Variants in ARHGAP24 observed in about 807,000 individuals in gnomAD.
The protein encoded by ARHGAP24 is rho GTPase-activating protein 24.
Under a neutral mutation model 76.4 loss-of-function variants are expected in ARHGAP24, and 50 were observed. The ratio of observed to expected loss-of-function variants is 0.65; its 90% CI spans 0.52 to 0.83. ARHGAP24 has a LOEUF of 0.83. Among genes scored for constraint, ARHGAP24 ranks in the 40% least tolerant of loss-of-function variants. The pLI, the probability that ARHGAP24 is intolerant of heterozygous loss-of-function variation, is 0.00. For synonymous variants in ARHGAP24, 345 were observed against 323.3 expected, an observed-to-expected ratio of 1.07 and a Z score of -0.72; for missense variants, 930 against 914.2, an observed-to-expected ratio of 1.02 and a Z score of -0.22.
chr4:85,829,794 ATG>A (rs1729897304), intron 3 of ARHGAP24, among the ~76,000 whole-genome samples: 1 of 152,210 alleles, frequency 6.6e-6, no homozygotes, highest in Non-Finnish European at 1.5e-5. Context: ...GTATGTTCAG[ATG>A]TGGCATCCAT....
chr4:85,863,886 A>G (rs1732040020), intron 3 of ARHGAP24, among the ~76,000 whole-genome samples: 1 of 152,112 alleles, frequency 6.6e-6, no homozygotes, highest in East Asian at 1.9e-4. Context: ...GGTGTCTCCA[A>G]GCGGAAAAAG....
intron 1 of ARHGAP24, among the ~76,000 whole-genome samples, chr4:85,544,319 CTA>C (rs1268291425): frequency 6.6e-6 from 1 of 152,066 alleles, no homozygotes; most frequent in Non-Finnish European, 1.5e-5. Context: ...ATTTTTGTAA[CTA>C]TGTTAAGCTT....
rs945934453 is a variant in ARHGAP24, at chr4:85,504,224, C to T, written c.-21+28665C>T. Among the ~76,000 whole-genome samples, 2 of 152,112 alleles carry T rather than the reference C, an allele frequency of 1.3e-5. 1 individual carries two copies. Among genetic ancestry groups the T allele is most frequent in the Admixed American group, 1.3e-4 (2 of 15,272 alleles). Reference sequence around the variant, plus strand: ...TTAGGGTGGAGAGTTCTGTAGATGTCTATTAGGTCTGCTTGGTGCAGAGCT... The same window carrying T: ...TTAGGGTGGAGAGTTCTGTAGATGTTTATTAGGTCTGCTTGGTGCAGAGCT... On this transcript the variant is annotated intron_variant, in intron 1 of 9. Coordinates refer to ENST00000395184, the MANE Select transcript of ARHGAP24 (RefSeq NM_001025616.3).
intron 1 of ARHGAP24, among the ~76,000 whole-genome samples, chr4:85,551,342 A>C (rs1192297616): frequency 1.3e-5 from 2 of 152,112 alleles, no homozygotes; most frequent in African/African-American, 2.4e-5. Flanking sequence ...ATTGATTTGT[A>C]TATATTGAAC....
At chr4:85,981,434 T>A (rs1437201022) in intron 8 of ARHGAP24, among the ~76,000 whole-genome samples, 1 of 152,156 alleles carries the variant, frequency 6.6e-6, no homozygotes, top group East Asian at 1.9e-4. Context: ...ATAGTATCTT[T>A]GATACTATAG....
At chr4:85,884,571 C>T (rs1560694947) in intron 3 of ARHGAP24, among the ~76,000 whole-genome samples, 1 of 152,164 alleles carries the variant, frequency 6.6e-6, no homozygotes, top group South Asian at 2.1e-4. Context: ...GACAACAAGC[C>T]TCCATTCTGG....
intron 2 of ARHGAP24, among the ~76,000 whole-genome samples, chr4:85,652,183 A>C (rs775756889): frequency 1.1e-4 from 17 of 152,182 alleles, no homozygotes; most frequent in African/African-American, 3.9e-4. Context: ...CACATTTAAT[A>C]ATAAGATAAT....
intron 3 of ARHGAP24, among the ~76,000 whole-genome samples, chr4:85,850,754 T>A (rs191085305): frequency 6.6e-6 from 1 of 152,260 alleles, no homozygotes; most frequent in East Asian, 1.9e-4. Context: ...TATAGTTGCG[T>A]GGTTTTTAGT....
chr4:85,906,369 A>G (rs1413867325), intron 3 of ARHGAP24, among the ~76,000 whole-genome samples: 1 of 152,200 alleles, frequency 6.6e-6, no homozygotes, highest in Non-Finnish European at 1.5e-5. Flanking sequence ...TAGGGTTGAT[A>G]ATATTCAAAT....
intron 1 of ARHGAP24, among the ~76,000 whole-genome samples, chr4:85,529,911 A>AGT (rs59600252): frequency 1.3e-3 from 199 of 151,582 alleles, no homozygotes; most frequent in African/African-American, 4.6e-3. Context: ...TTTAAAAAAA[A>AGT]CTCTTTTCAT....
intron 2 of ARHGAP24, among the ~76,000 whole-genome samples, chr4:85,637,008 T>G (rs2109967249): frequency 6.6e-6 from 1 of 152,228 alleles, no homozygotes; most frequent in South Asian, 2.1e-4. Context: ...CATTCATGGA[T>G]ATATAATCAT....
chr4:85,938,059 ACCCTTACAAAC>A (rs1226870674), intron 4 of ARHGAP24, among the ~76,000 whole-genome samples: 1 of 152,064 alleles, frequency 6.6e-6, no homozygotes, highest in African/African-American at 2.4e-5. Context: ...GTAAAGGGGG[ACCCTTACAAAC>A]CCTGAAGGCT....
At position 85,939,130 on chromosome 4, in the gene ARHGAP24, G is replaced by A. The variant is rs1736814625; in HGVS notation, c.392-2936G>A. Among the ~76,000 whole-genome samples the A allele has an allele frequency of 2.0e-5, 3 of 152,158 alleles. No individual in the cohort carries two copies. In the South Asian group the frequency reaches 6.2e-4, roughly 32 times the overall value. On this transcript the variant is annotated intron_variant, in intron 4 of 9. Transcript: ENST00000395184. ...CCTCCTTAAAATGCAAGGAATGGTGGTGCCTACCTCACAGGATGTTATGAG... is the reference window on the plus strand; with the variant it reads ...CCTCCTTAAAATGCAAGGAATGGTGATGCCTACCTCACAGGATGTTATGAG...
chr4:85,985,467 A>G (rs1739929415), intron 8 of ARHGAP24, among the ~76,000 whole-genome samples: 1 of 152,150 alleles, frequency 6.6e-6, no homozygotes, highest in South Asian at 2.1e-4. Flanking sequence ...AACAACACAC[A>G]CTGGGGCCTG....
intron 2 of ARHGAP24, among the ~76,000 whole-genome samples, chr4:85,659,094 G>A (rs1444657339): frequency 6.6e-6 from 1 of 151,800 alleles, no homozygotes; most frequent in Non-Finnish European, 1.5e-5. Context: ...GTCACAGTTG[G>A]GGAAGATACC....
chr4:85,832,167 G>A (rs908156035), intron 3 of ARHGAP24, among the ~76,000 whole-genome samples: 3 of 152,150 alleles, frequency 2.0e-5, no homozygotes, highest in Admixed American at 2.0e-4. Flanking sequence ...TGTGTTTTCC[G>A]TGGGCGGGAA....
At chr4:85,660,607 A>G (rs557466945) in intron 2 of ARHGAP24, among the ~76,000 whole-genome samples, 12 of 151,976 alleles carry the variant, frequency 7.9e-5, no homozygotes, top group African/African-American at 2.2e-4. Context: ...ACCATCCTGG[A>G]CAACATGGTG....
At chr4:85,706,083 A>G (rs888041187) in intron 2 of ARHGAP24, among the ~76,000 whole-genome samples, 2 of 152,210 alleles carry the variant, frequency 1.3e-5, no homozygotes, top group African/African-American at 2.4e-5. Context: ...CTTAAAAAAG[A>G]TCGGAGGTGA....
chr4:85,812,891 A>G (rs1560646478), intron 3 of ARHGAP24, among the ~76,000 whole-genome samples: 2 of 152,278 alleles, frequency 1.3e-5, no homozygotes, highest in Non-Finnish European at 2.9e-5. Context: ...CACCTGCCTC[A>G]ATTACACCGT....
Sources: allele counts gnomAD v4.1 joint callset (sites outside exome capture counted in the v4.1 genomes callset), GRCh38; gene constraint gnomAD v4.1.1; transcripts MANE v1.5; gene names NCBI Gene and HGNC (gene_info 2026-07-23, HGNC 2026-07-21).